CAMTA2: variants seen among roughly 807,000 people sequenced by gnomAD.
CAMTA2 encodes calmodulin-binding transcription activator 2.
CAMTA2 carries 56 observed loss-of-function variants against 135.7 expected under a neutral mutation model. That is an observed-to-expected ratio of 0.41 (90% confidence interval 0.33 to 0.52). The LOEUF (loss-of-function observed/expected upper bound fraction) is 0.52, where lower values mean the gene tolerates loss of function less well. Ranked by LOEUF, CAMTA2 falls within the 20% of genes least tolerant of loss-of-function variation. CAMTA2 has a pLI of 0.16. For missense variants in CAMTA2, 1,358 were observed against 1,553.4 expected (o/e 0.87, Z 2.11); for synonymous variants, 591 against 604.6 (o/e 0.98, Z 0.33).
chr17:4,976,045 G>A (rs771397269), intron 11 of CAMTA2, among the ~76,000 whole-genome samples: 6 of 151,962 alleles, frequency 3.9e-5, no homozygotes, highest in Non-Finnish European at 7.4e-5. Context: ...TCGCTCTGTC[G>A]CCCAGGCTGG....
chr17:4,976,696 G>A (rs1244243456), intron 11 of CAMTA2, among the ~76,000 whole-genome samples: 1 of 152,084 alleles, frequency 6.6e-6, no homozygotes, highest in South Asian at 2.1e-4. Context: ...GCAAGACTCC[G>A]TCTCAAAAAA....
Position 4,983,021 on chromosome 17 carries a change from G to C in CAMTA2, c.158C>G (p.Thr53Ser), listed in dbSNP as rs1567698535. The change falls in exon 4 of 23, where the codon ACC (threonine) becomes AGC (serine). Residue 53 changes from threonine to serine, a missense_variant. Thr to Ser is a moderately conservative substitution (Grantham distance 58, BLOSUM62 1). Around this residue, in one of 4 missense-constraint regions of CAMTA2, gnomAD observed 105 missense variants for 190.9 expected, o/e 0.55. Coordinates refer to ENST00000348066, the MANE Select transcript of CAMTA2 (RefSeq NM_015099.4). ...TNEEIASYLI[T>S]FEKHDEWLSC... ...CAGCCACTCATCATGCTTCTCAAAG[G>C]TGATCAGGTAGGATGCAATCTCCTG... 1 of 1,614,062 alleles carries C rather than the reference G, an allele frequency of 6.2e-7. No individual in the cohort carries two copies.
chr17:4,972,979 C>T lies in CAMTA2; in HGVS notation c.2293G>A (p.Ala765Thr), dbSNP rs781228720. ...FSCTPLMWACALGHLEAAVLL... is the reference protein window; with the variant it reads ...FSCTPLMWACTLGHLEAAVLL... ...ACAGCAGCTTCCAGGTGTCCCAGGG[C>T]ACAAGCCCACATCTGAGGAAGGGGG... is the stretch of plus-strand genomic sequence containing the variant. Residue 765 changes from alanine (A) to threonine (T), a missense_variant, in exon 15 of 23, where the codon GCC becomes ACC. By Grantham distance (58) the Ala-to-Thr change is moderately conservative. Transcript: ENST00000348066. 1 of 1,612,624 alleles carries T rather than the reference C, an allele frequency of 6.2e-7. No homozygotes were observed. Among genetic ancestry groups the T allele is most frequent in the Admixed American group, 1.7e-5 (1 of 60,026 alleles).
rs747374800 is a variant in CAMTA2, at chr17:4,981,374, G to A, written c.566-15C>T. 3.7e-6 allele frequency: 6 copies of A among 1,613,104 alleles called. No individual in the cohort carries two copies. In the Admixed American group the frequency reaches 8.3e-5, roughly 22 times the overall value. Reference sequence around the variant, plus strand: ...GATGCCATGAACTAGAGAAGTTAGGGGGAAGTGCTGTGGGATCCCCACGAA... The same window carrying A: ...GATGCCATGAACTAGAGAAGTTAGGAGGAAGTGCTGTGGGATCCCCACGAA... On this transcript the variant is annotated splice_polypyrimidine_tract_variant and intron_variant, in intron 7 of 22. Coordinates refer to ENST00000348066, the MANE Select transcript of CAMTA2 (RefSeq NM_015099.4).
rs1318212255 is a variant in CAMTA2 at position 4,972,412 on chromosome 17, C to T, written c.2628G>A (p.Met876Ile). ...AAAGCTGGCCTGGGGCCATGTCCTCCATAGTCATCTCAGAGGCTGGCAGAG... is the reference window on the plus strand; with the variant it reads ...AAAGCTGGCCTGGGGCCATGTCCTCTATAGTCATCTCAGAGGCTGGCAGAG... ...PAPLPASEMTMEDMAPGQLSS... is the reference protein window; with the variant it reads ...PAPLPASEMTIEDMAPGQLSS... The change falls in exon 16 of 23, where the codon ATG becomes ATA. Residue 876 changes from methionine (M) to isoleucine (I), a missense_variant. This residue lies in a region of CAMTA2 where 1,077 missense variants were observed against 1,127.5 expected (regional missense o/e 0.96). Transcript: ENST00000348066. The T allele has an allele frequency of 6.2e-7, 1 of 1,613,982 alleles. No individual in the cohort carries two copies. Among genetic ancestry groups the T allele is most frequent in the Non-Finnish European group, 8.5e-7 (1 of 1,179,996 alleles).
In CAMTA2 at chr17:4,974,824, C is replaced by G. The variant is rs1972519839; in HGVS notation, c.1901-324G>C. 1.9e-5 allele frequency: 4 copies of G among 214,098 alleles called. No homozygotes were observed. In the South Asian group the frequency reaches 2.9e-4, roughly 16 times the overall value. The allele number at this position is 214,098 out of a possible 1,614,324, so 13.3% of individuals were successfully genotyped here. ...AATCCCACCCGTACACACTCTTCCC[C>G]CCAGCCTTTTCCTAGGCAAAATGTT... On this transcript the variant is annotated intron_variant, in intron 11 of 22. Coordinates refer to ENST00000348066, the MANE Select transcript of CAMTA2 (RefSeq NM_015099.4).
Position 4,972,939 on chromosome 17 carries a change from C to T in CAMTA2, c.2333G>A (p.Trp778Ter). 1 of 1,613,712 alleles carries T rather than the reference C, an allele frequency of 6.2e-7. No homozygotes were observed. Among genetic ancestry groups the T allele is most frequent in the Non-Finnish European group, 8.5e-7 (1 of 1,179,998 alleles). ...HLEAAVLLFR[W>*]NRQALSIPDS... Reference sequence around the variant, plus strand: ...GGGAATGCTCAGTGCCTGTCGGTTCCAACGGAAAAGGAGCACAGCAGCTTC... The same window carrying T: ...GGGAATGCTCAGTGCCTGTCGGTTCTAACGGAAAAGGAGCACAGCAGCTTC... Residue 778 changes from tryptophan (W) to a stop codon, truncating the protein, a stop_gained, in exon 15 of 23, where the codon TGG becomes TAG. Coordinates refer to ENST00000348066, the MANE Select transcript of CAMTA2 (RefSeq NM_015099.4). LOFTEE classifies it high-confidence loss of function.
At chr17:4,981,590 C>T (rs1972962705) in intron 7 of CAMTA2, 88 bp downstream of exon 7, 1 of 1,455,950 alleles carries the variant, frequency 6.9e-7, no homozygotes, top group Non-Finnish European at 9.3e-7. Flanking sequence ...ATGATCAGCC[C>T]TCAGGCTTTG....
chr17:4,979,994 A>C lies in CAMTA2; in HGVS notation c.1328T>G (p.Phe443Cys), dbSNP rs764196745. 1.2e-6 allele frequency: 2 copies of C among 1,613,602 alleles called. No homozygotes were observed. Among genetic ancestry groups the C allele is most frequent in the East Asian group, 4.5e-5 (2 of 44,876 alleles). ...CTCCCCACTGTCATCATCTTGGATGAAGAAGCAGTTTCCTCTTCTCCCACC... is the reference window on the plus strand; with the variant it reads ...CTCCCCACTGTCATCATCTTGGATGCAGAAGCAGTTTCCTCTTCTCCCACC... Reference protein sequence around the residue: ...VAGGRRGNCFFIQDDDSGEEL... With the variant: ...VAGGRRGNCFCIQDDDSGEEL... Residue 443 changes from phenylalanine to cysteine, a missense_variant, in exon 9 of 23, where the codon TTC (phenylalanine) becomes TGC (cysteine). By Grantham distance (205) the Phe-to-Cys change is radical. This residue lies in a region of CAMTA2 where 1,077 missense variants were observed against 1,127.5 expected (regional missense o/e 0.96). Coordinates refer to ENST00000348066, the MANE Select transcript of CAMTA2 (RefSeq NM_015099.4).
chr17:4,974,635 C>T (rs1484532756), intron 11 of CAMTA2, 135 bp from the exon 12 acceptor site: 1 of 621,902 alleles, frequency 1.6e-6, no homozygotes, highest in African/African-American at 1.8e-5. Flanking sequence ...ACAACAGCTC[C>T]TTTACCCCTT....
chr17:4,971,625 G>T (rs544556998), intron 16 of CAMTA2, among the ~76,000 whole-genome samples: 1 of 151,908 alleles, frequency 6.6e-6, no homozygotes, highest in Non-Finnish European at 1.5e-5. Flanking sequence ...GATTACAGGG[G>T]TGAGCCACCG....
intron 8 of CAMTA2, 39 bp downstream of exon 8, chr17:4,981,186 T>C (rs1347961216): frequency 1.2e-6 from 2 of 1,607,490 alleles, no homozygotes; most frequent in Non-Finnish European, 1.7e-6. Flanking sequence ...GCAGTGTGGC[T>C]AGGTGGGAAG....
intron 3 of CAMTA2, 63 bp from the exon 4 acceptor site, chr17:4,983,106 G>T: frequency 7.3e-7 from 1 of 1,376,636 alleles, no homozygotes; most frequent in Non-Finnish European, 1.0e-6. Context: ...CTGGCCTCTT[G>T]GTCATCCTGT....
chr17:4,974,209 A>G, intron 12 of CAMTA2, 176 bp downstream of exon 12: 1 of 594,340 alleles, frequency 1.7e-6, no homozygotes, highest in African/African-American at 1.9e-5. Context: ...GGTGCCCAGA[A>G]TAGCCACTCT....
Position 4,974,441 on chromosome 17 carries a change from C to G in CAMTA2, c.1960G>C (p.Glu654Gln). 2 of 1,614,098 alleles carry G rather than the reference C, an allele frequency of 1.2e-6. No homozygotes were observed. Among genetic ancestry groups the G allele is most frequent in the Non-Finnish European group, 1.7e-6 (2 of 1,179,958 alleles). ...RLEQMEKRMAEIAAAGQVPCQ... is the reference protein window; with the variant it reads ...RLEQMEKRMAQIAAAGQVPCQ... The stretch of plus-strand genomic sequence containing the variant: ...GGCACCTGCCCAGCTGCTGCGATCT[C>G]TGCCATCCGCTTCTCCATCTGCTCC... The change falls in exon 12 of 23, where the codon GAG becomes CAG. Residue 654 changes from glutamate (E) to glutamine (Q), a missense_variant. Physicochemically the swap from Glu to Gln is conservative, Grantham distance 29. Coordinates refer to ENST00000348066, the MANE Select transcript of CAMTA2 (RefSeq NM_015099.4).
At chr17:4,987,063 G>T in intron 1 of CAMTA2, 1 of 1,403,728 alleles carries the variant, frequency 7.1e-7, no homozygotes, top group South Asian at 1.6e-5. Flanking sequence ...GGATGGAGAT[G>T]GGAGGAGGCC....
chr17:4,981,249 C>T lies in CAMTA2; in HGVS notation c.676G>A (p.Ala226Thr), dbSNP rs1377671428. ...CCAAGCCCCCCACTGCAGAGACAGG[C>T]GTGGGTTCGGGGAGCAGGCTTGGTT... ...HPTKPAPRTH[A>T]CLCSGGLGSG... The change falls in exon 8 of 23, where the codon GCC becomes ACC. Residue 226 changes from alanine (A) to threonine (T), a missense_variant. Ala to Thr is a moderately conservative substitution (Grantham distance 58). This residue lies in a region of CAMTA2 where 1,077 missense variants were observed against 1,127.5 expected (regional missense o/e 0.96). Transcript: ENST00000348066. 3 of 1,613,946 alleles carry T rather than the reference C, an allele frequency of 1.9e-6. No homozygotes were observed. The highest frequency in any genetic ancestry group is 2.5e-6 in the Non-Finnish European group (3 of 1,179,986).
chr17:4,987,427 G>A (rs1248093923), intron 1 of CAMTA2, 166 bp downstream of exon 1: 34 of 1,384,744 alleles, frequency 2.5e-5, no homozygotes, highest in Non-Finnish European at 1.6e-5. Flanking sequence ...GGGGCCCTGC[G>A]GTGAGCGGCG....
At position 4,972,499 on chromosome 17, in the gene CAMTA2, ATCCGACAGC is replaced by A. The variant is rs768837415; in HGVS notation, c.2532_2540del (p.Glu844_Ser846del). The A allele has an allele frequency of 6.2e-7, 1 of 1,611,024 alleles. No individual in the cohort carries two copies. The highest frequency in any genetic ancestry group is 1.1e-5 in the South Asian group (1 of 90,680). ...AGGCTGACGTGACGGAAAAGGTGCCATCCGACAGCTCCGAGGGCGAGGAGACGCTGCTCA... is the reference window on the plus strand; with the variant it reads ...AGGCTGACGTGACGGAAAAGGTGCCATCCGAGGGCGAGGAGACGCTGCTCA... On this transcript the variant is annotated inframe_deletion, in exon 16 of 23. Transcript: ENST00000348066.
Sources: allele counts gnomAD v4.1 joint callset (sites outside exome capture counted in the v4.1 genomes callset), GRCh38; gene constraint gnomAD v4.1.1; regional missense constraint gnomAD v4.1.1; transcripts MANE v1.5; gene names NCBI Gene and HGNC (gene_info 2026-07-23, HGNC 2026-07-21).